The following ESCO1 variants were observed in gnomAD, a reference collection of about 807,000 sequenced individuals.
The protein encoded by ESCO1 is establishment of sister chromatid cohesion N-acetyltransferase 1.
In ESCO1, 33 loss-of-function variants were observed where a neutral mutation model predicts 83.5. The ratio of observed to expected loss-of-function variants is 0.40; its 90% confidence interval spans 0.30 to 0.53. The LOEUF is 0.53. ESCO1 is among the 20% of genes least tolerant of loss of function. The pLI, the probability that ESCO1 is intolerant of heterozygous loss-of-function variation, is 0.63. For synonymous variants in ESCO1, 332 were observed against 324.3 expected (o/e 1.02, Z -0.25); for missense variants, 855 against 968.0 (o/e 0.88, Z 1.55).
chr18:21,589,093 T>C (rs1446097971), intron 1 of ESCO1, among the ~76,000 whole-genome samples: 1 of 151,758 alleles, frequency 6.6e-6, no homozygotes, highest in Non-Finnish European at 1.5e-5. Flanking sequence ...AATACAAAAA[T>C]TACCCAGGCA....
chr18:21,568,018 C>G lies in ESCO1; in HGVS notation c.1607G>C (p.Ser536Thr), dbSNP rs759213584. 4.3e-6 allele frequency: 7 copies of G among 1,613,652 alleles called. No homozygotes were observed. Among genetic ancestry groups the G allele is most frequent in the Admixed American group, 1.7e-5 (1 of 59,990 alleles). ...CTCTCCTGTATCAATTTTTGCTTGA[C>G]TGAGCAGAGTCGAAGCAGCAGTAAC... ...ENVTAASTLLSQAKIDTGENK... is the reference protein window; with the variant it reads ...ENVTAASTLLTQAKIDTGENK... The change falls in exon 5 of 12, where the codon AGT becomes ACT. Residue 536 changes from serine (S) to threonine (T), a missense_variant. Physicochemically the swap from Ser to Thr is moderately conservative, Grantham distance 58. This residue lies in a region of ESCO1 where 726 missense variants were observed against 699.5 expected (regional missense o/e 1.04). Transcript: ENST00000269214.
At chr18:21,576,507 A>T (rs2038420481) in intron 2 of ESCO1, among the ~76,000 whole-genome samples, 1 of 152,210 alleles carries the variant, frequency 6.6e-6, no homozygotes, top group African/African-American at 2.4e-5. Flanking sequence ...ATATCTAAAA[A>T]TAAGTAAGTA....
chr18:21,542,919 G>T (rs1487760221), intron 8 of ESCO1, among the ~76,000 whole-genome samples: 1 of 152,148 alleles, frequency 6.6e-6, no homozygotes, highest in Non-Finnish European at 1.5e-5. Context: ...CAATTTAGAA[G>T]AATAATCAAA....
In ESCO1 at chr18:21,574,759, G is replaced by C. The variant is rs759038057; in HGVS notation, c.85C>G (p.Gln29Glu). Reference sequence around the variant, plus strand: ...TTTGCTAGATTCTTTTGAGAATCCTGAATTTCTGTTTCTGAATTCTTATCG... The same window carrying C: ...TTTGCTAGATTCTTTTGAGAATCCTCAATTTCTGTTTCTGAATTCTTATCG... ...SDDKNSETEI[Q>E]DSQKNLAKKS... is the part of the protein sequence containing the mutation. The change falls in exon 4 of 12, where the codon CAG (glutamine) becomes GAG (glutamate). Residue 29 changes from glutamine (Q) to glutamate (E), a missense_variant. Transcript: ENST00000269214. 8.5e-5 allele frequency: 137 copies of C among 1,607,534 alleles called. No homozygotes were observed. Among genetic ancestry groups the C allele is most frequent in the Non-Finnish European group, 1.1e-4 (133 of 1,179,708 alleles).
At chr18:21,542,810 C>T (rs1156955960) in intron 8 of ESCO1, among the ~76,000 whole-genome samples, 1 of 152,236 alleles carries the variant, frequency 6.6e-6, no homozygotes, top group Non-Finnish European at 1.5e-5. Flanking sequence ...ACAATAACCA[C>T]ATGACCCTCC....
intron 9 of ESCO1, among the ~76,000 whole-genome samples, chr18:21,539,366 A>G (rs1422258739): frequency 6.6e-6 from 1 of 152,130 alleles, no homozygotes; most frequent in African/African-American, 2.4e-5. Context: ...CAAATTATTA[A>G]CTACTACTAA....
chr18:21,540,013 GATAT>G lies in ESCO1; in HGVS notation c.1954-8_1954-5del, dbSNP rs35031202. The G allele has an allele frequency of 0.051, 53,107 of 1,041,534 alleles. 1 individual carries two copies. The highest frequency in any genetic ancestry group is 0.095 in the East Asian group (2,377 of 25,032). The allele number at this position is 1,041,534 out of a possible 1,614,324, so 64.5% of individuals were successfully genotyped here. On this transcript the variant is annotated splice_polypyrimidine_tract_variant and splice_region_variant and intron_variant, in intron 8 of 11. Transcript: ENST00000269214. ...GAATTCTTTCTTTCTTCCAGCCCTA[GATAT>G]ATATATATATATATACACACATATG...
chr18:21,595,407 C>T (rs1435689558), intron 1 of ESCO1, among the ~76,000 whole-genome samples: 1 of 150,526 alleles, frequency 6.6e-6, no homozygotes, highest in Admixed American at 6.6e-5. Context: ...CTGTGGTTCA[C>T]GCCTGTAATC....
At chr18:21,538,958 T>A (rs1245311500) in intron 9 of ESCO1, among the ~76,000 whole-genome samples, 1 of 152,032 alleles carries the variant, frequency 6.6e-6, no homozygotes, top group East Asian at 1.9e-4. Context: ...TAAAATAACC[T>A]ATATAATAAA....
intron 2 of ESCO1, among the ~76,000 whole-genome samples, chr18:21,583,652 A>AAG (rs2038534625): frequency 6.6e-6 from 1 of 152,154 alleles, no homozygotes; most frequent in Non-Finnish European, 1.5e-5. Flanking sequence ...TCAAAAAAAA[A>AAG]AAAAGAAAAG....
In ESCO1 at chr18:21,574,248, T is replaced by C. The variant is rs1223700237; in HGVS notation, c.596A>G (p.Asn199Ser). The C allele has an allele frequency of 6.2e-7, 1 of 1,613,740 alleles. No individual in the cohort carries two copies. Among genetic ancestry groups the C allele is most frequent in the Non-Finnish European group, 8.5e-7 (1 of 1,180,006 alleles). Residue 199 changes from asparagine (N) to serine (S), a missense_variant, in exon 4 of 12, where the codon AAT becomes AGT. Physicochemically the swap from Asn to Ser is conservative, Grantham distance 46. Transcript: ENST00000269214. ...CTTGCGTTTTTTCCCTTTGGGAGAA[T>C]TTATTACTTCATTAATTACTAGATT... ...DENLVINEVINSPKGKKRKVE... is the reference protein window; with the variant it reads ...DENLVINEVISSPKGKKRKVE...
chr18:21,542,732 T>C (rs2037922488), intron 8 of ESCO1, among the ~76,000 whole-genome samples: 1 of 152,220 alleles, frequency 6.6e-6, no homozygotes, highest in African/African-American at 2.4e-5. Context: ...AGAAACAAGT[T>C]AGCTAATATT....
At chr18:21,593,596 G>GGAGGGAGAGGGAGAGGGA (rs1568115698) in intron 1 of ESCO1, 39 of 9,176 alleles carry the variant, frequency 4.3e-3, no homozygotes, top group South Asian at 0.013. Context: ...GAGGGAGACC[G>GGAGGGAGAGGGAGAGGGA]TAGGGAGAGG....
At chr18:21,535,592 C>A (rs1244828574) in intron 10 of ESCO1, among the ~76,000 whole-genome samples, 1 of 152,150 alleles carries the variant, frequency 6.6e-6, no homozygotes, top group Non-Finnish European at 1.5e-5. Context: ...CCGTATTAGC[C>A]AGGATGGTCT....
chr18:21,537,517 A>T (rs1425923632), intron 9 of ESCO1, among the ~76,000 whole-genome samples: 1 of 152,222 alleles, frequency 6.6e-6, no homozygotes, highest in Non-Finnish European at 1.5e-5. Context: ...CCTGGGTGAC[A>T]GAGTGGAATT....
rs1441041999 is a variant in ESCO1 at position 21,584,292 on chromosome 18, A to G, written c.-694+18T>C. The G allele has an allele frequency of 6.6e-6, 1 of 152,186 alleles. No homozygotes were observed. Among genetic ancestry groups the G allele is most frequent in the East Asian group, 1.9e-4 (1 of 5,200 alleles). 9.4% of individuals were successfully genotyped at this position (152,186 alleles called of 1,614,324 possible). A position where few individuals can be genotyped will look rare whatever the true frequency, so the allele number is the denominator to read the frequency against. ...TCATCTTGGAAGATACTAAATCATAAAATTATATGCCACTTACCTTAAAGA... is the reference window on the plus strand; with the variant it reads ...TCATCTTGGAAGATACTAAATCATAGAATTATATGCCACTTACCTTAAAGA... On this transcript the variant is annotated intron_variant, in intron 2 of 11. Coordinates refer to ENST00000269214, the MANE Select transcript of ESCO1 (RefSeq NM_052911.3).
chr18:21,580,509 C>T (rs545310893), intron 2 of ESCO1, among the ~76,000 whole-genome samples: 64 of 152,164 alleles, frequency 4.2e-4, no homozygotes, highest in African/African-American at 1.5e-3. Context: ...AAAAATTTAA[C>T]TCCCAAACAT....
intron 2 of ESCO1, among the ~76,000 whole-genome samples, chr18:21,575,991 G>A (rs537313548): frequency 3.2e-4 from 49 of 152,076 alleles, no homozygotes; most frequent in African/African-American, 1.2e-3. Flanking sequence ...ATTCATTCAT[G>A]TTGTGAAAAA....
At chr18:21,584,820 T>TCAA (rs765750176) in intron 1 of ESCO1, among the ~76,000 whole-genome samples, 64 of 151,736 alleles carry the variant, frequency 4.2e-4, no homozygotes, top group East Asian at 1.7e-3. Context: ...CACCCCCATC[T>TCAA]CAACAACAAC....
Sources: allele counts gnomAD v4.1 joint callset (sites outside exome capture counted in the v4.1 genomes callset), GRCh38; gene constraint gnomAD v4.1.1; regional missense constraint gnomAD v4.1.1; transcripts MANE v1.5; gene names NCBI Gene and HGNC (gene_info 2026-07-23, HGNC 2026-07-21).